OGG1: variants seen among roughly 807,000 people sequenced by gnomAD.
OGG1 encodes the protein 8-oxoguanine DNA glycosylase, also known as N-glycosylase/DNA lyase.
In OGG1, 35 loss-of-function variants were observed where a neutral mutation model predicts 42.3. The ratio of observed to expected loss-of-function variants is 0.83; its 90% CI spans 0.63 to 1.10. OGG1 has a LOEUF of 1.10. OGG1 is among the 50% of genes least tolerant of loss of function. The pLI is 0.00. For missense variants in OGG1, 484 were observed against 446.7 expected (o/e 1.08, Z -0.75); for synonymous variants, 189 against 179.0 (o/e 1.06, Z -0.44).
intron 2 of OGG1, among the ~76,000 whole-genome samples, chr3:9,777,073 A>C (rs2078374242): frequency 6.6e-6 from 1 of 152,158 alleles, no homozygotes; most frequent in Non-Finnish European, 1.5e-5. Flanking sequence ...TGGTGCCCAG[A>C]GTACTCAGGA....
chr3:9,778,356 C>T (rs1457391388), intron 2 of OGG1, among the ~76,000 whole-genome samples: 1 of 152,232 alleles, frequency 6.6e-6, no homozygotes, highest in Non-Finnish European at 1.5e-5. Flanking sequence ...ATGCTGTCCT[C>T]TCTCTCAGGA....
intron 3 of OGG1, chr3:9,784,325 AC>A: frequency 2.2e-6 from 3 of 1,381,810 alleles, no homozygotes; most frequent in East Asian, 2.5e-5. Context: ...CCCTTTGGGC[AC>A]CCCCTCTGTA....
intron 4 of OGG1, among the ~76,000 whole-genome samples, chr3:9,755,222 TTTTGTTTG>T (rs143979227): frequency 6.6e-6 from 1 of 152,042 alleles, no homozygotes; most frequent in Non-Finnish European, 1.5e-5. Flanking sequence ...CTTTTCGGTT[TTTTGTTTG>T]TTTGTTTGTT....
intron 7 of OGG1, among the ~76,000 whole-genome samples, chr3:9,764,776 G>A (rs909183614): frequency 1.1e-4 from 16 of 151,766 alleles, no homozygotes; most frequent in African/African-American, 3.6e-4. Flanking sequence ...GGGATTACAG[G>A]CATGTGCCAC....
downstream of OGG1, among the ~76,000 whole-genome samples, chr3:9,790,179 T>A (rs1216026395): frequency 6.6e-6 from 1 of 152,208 alleles, no homozygotes; most frequent in East Asian, 1.9e-4. Context: ...CATAATCTCA[T>A]TCACTTGTTC....
downstream of OGG1, among the ~76,000 whole-genome samples, chr3:9,790,752 T>C (rs1166806042): frequency 6.6e-6 from 1 of 152,222 alleles, no homozygotes; most frequent in Non-Finnish European, 1.5e-5. Flanking sequence ...TAGGTCCTAT[T>C]ATTCACCCCA....
intron 3 of OGG1, chr3:9,783,995 A>AC: frequency 6.3e-7 from 1 of 1,584,604 alleles, no homozygotes; most frequent in Non-Finnish European, 8.6e-7. Context: ...CTCCAAGGCC[A>AC]CCCCCGGGAC....
chr3:9,784,247 G>GCCAGCTTGGAGAAGGGC (rs1274668648), intron 3 of OGG1: 2 of 1,586,190 alleles, frequency 1.3e-6, no homozygotes, highest in African/African-American at 1.3e-5. Context: ...AGACTCAAGA[G>GCCAGCTTGGAGAAGGGC]CCAGCTTGGA....
At chr3:9,765,620 G>A in intron 7 of OGG1, 2 of 1,016,534 alleles carry the variant, frequency 2.0e-6, no homozygotes. Flanking sequence ...CTGCCAAGTG[G>A]AAATTGTGAT....
intron 3 of OGG1, among the ~76,000 whole-genome samples, chr3:9,786,658 T>C (rs1455706715): frequency 6.6e-6 from 1 of 152,162 alleles, no homozygotes; most frequent in Non-Finnish European, 1.5e-5. Context: ...AACAGATGCT[T>C]AGCAAAAGTA....
In OGG1 at chr3:9,749,986, A is replaced by G; in HGVS notation, c.-301A>G. On this transcript the variant is annotated 5_prime_UTR_variant, in exon 1 of 7. Coordinates refer to ENST00000344629, the MANE Select transcript of OGG1 (RefSeq NM_002542.6). The stretch of plus-strand genomic sequence containing the variant: ...GTGGTCTGCCCCTGGAGAACCCAGA[A>G]GAACACAGCTGTGCGCGCCCACAGG... 2 of 434,336 alleles carry G rather than the reference A, an allele frequency of 4.6e-6. No homozygotes were observed. Among genetic ancestry groups the G allele is most frequent in the South Asian group, 6.5e-5 (2 of 30,544 alleles). 26.9% of individuals were successfully genotyped at this position (434,336 alleles called of 1,614,324 possible).
rs971105899 is a variant in OGG1 at position 9,783,058 on chromosome 3, C to G, written c.382+1458C>G. The G allele has an allele frequency of 3.9e-5, 6 of 152,180 alleles. No homozygotes were observed. In the South Asian group the frequency reaches 8.3e-4, roughly 21 times the overall value. 9.4% of individuals were successfully genotyped at this position (152,180 alleles called of 1,614,324 possible). On this transcript the variant is annotated intron_variant, in intron 3 of 3. Transcript: ENST00000426518. Reference sequence around the variant, plus strand: ...TCCCAAAAGAACATGTCCTAAAACACTGGTCAATTTCTTGTGATGAGCAAA... The same window carrying G: ...TCCCAAAAGAACATGTCCTAAAACAGTGGTCAATTTCTTGTGATGAGCAAA...
chr3:9,763,022 A>T, intron 7 of OGG1: 1 of 1,614,076 alleles, frequency 6.2e-7, no homozygotes, highest in Non-Finnish European at 8.5e-7. Flanking sequence ...CTTTTTCCAC[A>T]ATACGGTCAA....
chr3:9,763,425 G>T (rs1386824624), intron 7 of OGG1, among the ~76,000 whole-genome samples: 3 of 144,882 alleles, frequency 2.1e-5, no homozygotes, highest in Non-Finnish European at 1.5e-5. Flanking sequence ...AAAAAAAACA[G>T]CGGTTTAGAG....
chr3:9,767,570 G>A, downstream of OGG1: 1 of 1,499,536 alleles, frequency 6.7e-7, no homozygotes, highest in Non-Finnish European at 9.2e-7. Context: ...CAGGGCCTGG[G>A]CTGTGGGAAA....
chr3:9,755,239 T>C (rs1010314639), intron 4 of OGG1, among the ~76,000 whole-genome samples: 1 of 151,616 alleles, frequency 6.6e-6, no homozygotes, highest in East Asian at 1.9e-4. Context: ...TGTTTGTTTG[T>C]TTTGGTAGAA....
At chr3:9,763,427 G>A (rs528205478) in intron 7 of OGG1, among the ~76,000 whole-genome samples, 15 of 149,258 alleles carry the variant, frequency 1.0e-4, no homozygotes, top group South Asian at 4.2e-4. Context: ...AAAAAACAGC[G>A]GTTTAGAGCT....
At chr3:9,769,638 T>G (rs1001226359), downstream of OGG1, among the ~76,000 whole-genome samples, 8 of 152,128 alleles carry the variant, frequency 5.3e-5, no homozygotes, top group Non-Finnish European at 8.8e-5. Context: ...ACCCACTCAG[T>G]GTCCCATAGG....
chr3:9,750,649 T>A (rs1371018465), intron 1 of OGG1: 2 of 721,634 alleles, frequency 2.8e-6, no homozygotes, highest in East Asian at 2.7e-5. Flanking sequence ...CACTTGTTTT[T>A]CTTTTTTTGA....
Sources: allele counts gnomAD v4.1 joint callset (sites outside exome capture counted in the v4.1 genomes callset), GRCh38; gene constraint gnomAD v4.1.1; transcripts MANE v1.5; gene names NCBI Gene and HGNC (gene_info 2026-07-23, HGNC 2026-07-21).